The following SERPINB10 variants were observed in gnomAD, a reference collection of about 807,000 sequenced individuals.
SERPINB10 encodes serpin B10.
A neutral mutation model predicts 39.1 loss-of-function variants in SERPINB10; 35 were observed. That is an observed-to-expected ratio of 0.90 (90% CI 0.68 to 1.19). The LOEUF is 1.19. Ranked by LOEUF, SERPINB10 falls within the 50% of genes most tolerant of loss-of-function variation. The pLI is 0.00. For synonymous variants in SERPINB10, 190 were observed against 158.1 expected (o/e 1.20, Z -1.52); for missense variants, 546 against 460.5 (o/e 1.19, Z -1.70).
intron 3 of SERPINB10, 119 bp from the exon 4 acceptor site, chr18:63,917,846 T>C (rs17072118): frequency 1.2e-6 from 1 of 864,220 alleles, no homozygotes. Context: ...TTATCCACTT[T>C]AGGAACATTT....
intron 1 of SERPINB10, among the ~76,000 whole-genome samples, chr18:63,910,364 T>A (rs1452070211): frequency 6.6e-6 from 1 of 152,026 alleles, no homozygotes; most frequent in Non-Finnish European, 1.5e-5. Context: ...AAGGGTATAA[T>A]GTGTGATGCT....
chr18:63,918,287 A>C (rs2050119670), intron 4 of SERPINB10, among the ~76,000 whole-genome samples, 185 bp downstream of exon 4: 1 of 152,030 alleles, frequency 6.6e-6, no homozygotes, highest in Admixed American at 6.6e-5. Flanking sequence ...AACAGGTCTC[A>C]AATCAGATCT....
chr18:63,932,563 G>C (rs1291142361), intron 6 of SERPINB10, among the ~76,000 whole-genome samples: 2 of 151,942 alleles, frequency 1.3e-5, no homozygotes, highest in Non-Finnish European at 2.9e-5. Context: ...TGGCTTGTTT[G>C]TTTTATTATT....
intron 1 of SERPINB10, among the ~76,000 whole-genome samples, chr18:63,910,416 A>G (rs1226035748): frequency 6.6e-6 from 1 of 151,958 alleles, no homozygotes; most frequent in Non-Finnish European, 1.5e-5. Context: ...GGTAGTGAGC[A>G]TAGTACCCAA....
Position 63,933,141 on chromosome 18 carries a change from T to C in SERPINB10, c.727T>C (p.Tyr243His). ...KPKAVGLQLY[Y>H]KSRDLSLLIL... ...AAAAGCAGTGGGCCTTCAACTCTAC[T>C]ACAAAAGCCGTGACCTCAGCCTGCT... Residue 243 changes from tyrosine (Y) to histidine (H), a missense_variant, in exon 7 of 8, where the codon TAC becomes CAC. Coordinates refer to ENST00000238508, the MANE Select transcript of SERPINB10 (RefSeq NM_005024.3). The C allele has an allele frequency of 6.2e-7, 1 of 1,614,066 alleles. No individual in the cohort carries two copies. The highest frequency in any genetic ancestry group is 8.5e-7 in the Non-Finnish European group (1 of 1,179,940).
chr18:63,920,474 C>G (rs1403806697), intron 5 of SERPINB10, among the ~76,000 whole-genome samples: 2 of 151,982 alleles, frequency 1.3e-5, no homozygotes, highest in Non-Finnish European at 2.9e-5. Context: ...ATCCAGAGAT[C>G]CAGGCTGGTG....
At chr18:63,915,476 T>C (rs1275935491) in intron 1 of SERPINB10, 26 bp from the exon 2 acceptor site, 1 of 1,525,218 alleles carries the variant, frequency 6.6e-7, no homozygotes, top group East Asian at 2.3e-5. Context: ...TAATATGCTC[T>C]CTAATTTTTG....
intron 5 of SERPINB10, among the ~76,000 whole-genome samples, chr18:63,923,267 T>A (rs1368909868): frequency 1.3e-5 from 2 of 152,006 alleles, no homozygotes; most frequent in African/African-American, 4.8e-5. Context: ...TGGACACAAA[T>A]ATCTGCTATT....
chr18:63,918,880 G>A (rs2050124749), intron 4 of SERPINB10, among the ~76,000 whole-genome samples: 1 of 151,920 alleles, frequency 6.6e-6, no homozygotes, highest in Non-Finnish European at 1.5e-5. Context: ...TGGGCACTTA[G>A]AAACAAGAGG....
At chr18:63,908,678 T>TA (rs1183332502) in intron 1 of SERPINB10, among the ~76,000 whole-genome samples, 1 of 151,966 alleles carries the variant, frequency 6.6e-6, no homozygotes, top group Non-Finnish European at 1.5e-5. Flanking sequence ...TACCTGTTTC[T>TA]AAAAAAGGCC....
chr18:63,917,579 T>C, intron 3 of SERPINB10, 58 bp downstream of exon 3: 1 of 981,792 alleles, frequency 1.0e-6, no homozygotes, highest in Non-Finnish European at 1.5e-6. Context: ...TTTTAGCACA[T>C]GTATTTTAGT....
chr18:63,912,830 T>C (rs2050074178), intron 1 of SERPINB10, among the ~76,000 whole-genome samples: 1 of 152,046 alleles, frequency 6.6e-6, no homozygotes, highest in South Asian at 2.1e-4. Flanking sequence ...CTTTAATTTT[T>C]TGAAATTATT....
intron 1 of SERPINB10, among the ~76,000 whole-genome samples, chr18:63,913,039 C>A (rs942924696): frequency 8.6e-5 from 13 of 151,786 alleles, no homozygotes; most frequent in African/African-American, 3.1e-4. Flanking sequence ...TATTCATTTT[C>A]TCTAGATTAT....
At chr18:63,915,396 T>A (rs1324104221) in intron 1 of SERPINB10, 106 bp from the exon 2 acceptor site, 18 of 692,770 alleles carry the variant, frequency 2.6e-5, no homozygotes, top group African/African-American at 3.7e-5. Flanking sequence ...TCAGCTCATA[T>A]GACAATGTAT....
At chr18:63,927,583 C>A (rs1418925005) in intron 5 of SERPINB10, among the ~76,000 whole-genome samples, 1 of 151,952 alleles carries the variant, frequency 6.6e-6, no homozygotes, top group Non-Finnish European at 1.5e-5. Flanking sequence ...TATAAGGACA[C>A]TAATCCTATT....
chr18:63,919,766 G>T lies in SERPINB10; in HGVS notation c.373-22G>T, dbSNP rs77082918. 450 of 1,485,804 alleles carry T rather than the reference G, an allele frequency of 3.0e-4. No homozygotes were observed. In the African/African-American group the frequency reaches 5.7e-3, roughly 19 times the overall value. The allele number at this position is 1,485,804 out of a possible 1,614,324, so 92.0% of individuals were successfully genotyped here. ...ATTTTGAACAAACTCTACAAAAGGG[G>T]ATTTTTATCTATGTCTTTCAGAAAT... On this transcript the variant is annotated intron_variant, in intron 4 of 7. Coordinates refer to ENST00000238508, the MANE Select transcript of SERPINB10 (RefSeq NM_005024.3).
At position 63,934,879 on chromosome 18, in the gene SERPINB10, C is replaced by A. The variant is rs149018812; in HGVS notation, c.831C>A (p.Thr277=). 1.2e-5 allele frequency: 20 copies of A among 1,612,898 alleles called. No individual in the cohort carries two copies. The highest frequency in any genetic ancestry group is 1.3e-5 in the Non-Finnish European group (15 of 1,179,630). ...CCTATGAGAAGCTGAATGAGTGGAC[C>A]AGTGCAGACATGATGGAGTTGTATG... is the stretch of plus-strand genomic sequence containing the variant. The part of the protein sequence containing the change: ...AITYEKLNEW[T]SADMMELYEV... Residue 277 remains threonine, a synonymous_variant, in exon 8 of 8, where the codon ACC becomes ACA. Coordinates refer to ENST00000238508, the MANE Select transcript of SERPINB10 (RefSeq NM_005024.3).
chr18:63,929,712 C>CAAAAAAA (rs74169990), intron 5 of SERPINB10, among the ~76,000 whole-genome samples: 45 of 97,348 alleles, frequency 4.6e-4, no homozygotes, highest in Non-Finnish European at 7.9e-4. Flanking sequence ...AGCTAAAGTG[C>CAAAAAAA]AAAAAAAAAA....
intron 5 of SERPINB10, among the ~76,000 whole-genome samples, chr18:63,924,315 G>C (rs2050165950): frequency 6.6e-6 from 1 of 151,932 alleles, no homozygotes; most frequent in Admixed American, 6.6e-5. Context: ...CTAGTACCTT[G>C]GGAACACTGT....
Sources: gnomAD v4.1 joint callset for allele counts (sites outside exome capture counted in the v4.1 genomes callset) on GRCh38, gnomAD v4.1.1 for gene constraint, MANE v1.5 for transcripts, NCBI Gene and HGNC (gene_info 2026-07-23, HGNC 2026-07-21) for gene names.